Variants in TAF1B observed in about 807,000 individuals in gnomAD.
The protein encoded by TAF1B is TATA box-binding protein-associated factor RNA polymerase I subunit B.
TAF1B carries 61 observed loss-of-function variants against 83.9 expected under a neutral mutation model. That is an observed-to-expected ratio of 0.73 (90% CI 0.59 to 0.90). TAF1B has a LOEUF of 0.90. TAF1B is among the 40% of genes least tolerant of loss of function. The pLI, the probability that TAF1B is intolerant of heterozygous loss-of-function variation, is 0.00. For synonymous variants in TAF1B, 221 were observed against 224.6 expected (o/e 0.98, Z 0.14); for missense variants, 625 against 677.0 (o/e 0.92, Z 0.85).
intron 14 of TAF1B, among the ~76,000 whole-genome samples, chr2:9,924,123 T>A (rs1279401109): frequency 6.6e-6 from 1 of 152,200 alleles, no homozygotes; most frequent in Non-Finnish European, 1.5e-5. Flanking sequence ...GTATGAAGTT[T>A]CAGTGATACC....
At chr2:9,866,646 T>C (rs1350444649) in intron 5 of TAF1B, among the ~76,000 whole-genome samples, 4 of 152,206 alleles carry the variant, frequency 2.6e-5, no homozygotes, top group Non-Finnish European at 4.4e-5. Flanking sequence ...CGTATGGTTA[T>C]TGCGGCACTA....
intron 6 of TAF1B, among the ~76,000 whole-genome samples, chr2:9,871,284 G>A (rs929426649): frequency 2.0e-5 from 3 of 151,946 alleles, no homozygotes; most frequent in East Asian, 1.9e-4. Flanking sequence ...GGGTTTCATC[G>A]TGTTAGCCAG....
chr2:9,866,688 A>C (rs918003076), intron 5 of TAF1B, among the ~76,000 whole-genome samples: 3 of 152,172 alleles, frequency 2.0e-5, no homozygotes, highest in Admixed American at 6.5e-5. Context: ...AACCAACCCA[A>C]ATGTCCAACA....
chr2:9,898,706 C>T (rs1229799946), intron 8 of TAF1B, among the ~76,000 whole-genome samples: 2 of 152,100 alleles, frequency 1.3e-5, no homozygotes, highest in Admixed American at 6.5e-5. Context: ...CTTGGTGTTA[C>T]ATTTTTAATA....
intron 8 of TAF1B, among the ~76,000 whole-genome samples, chr2:9,903,409 G>A (rs1221989423): frequency 6.6e-6 from 1 of 152,052 alleles, no homozygotes; most frequent in Non-Finnish European, 1.5e-5. Flanking sequence ...TTTTTTATGT[G>A]AATAGATGAG....
chr2:9,874,847 A>C (rs915070817), intron 6 of TAF1B, among the ~76,000 whole-genome samples: 1 of 152,142 alleles, frequency 6.6e-6, no homozygotes, highest in African/African-American at 2.4e-5. Context: ...ATGGGAGTTG[A>C]GGTCAGAGTC....
At chr2:9,878,886 G>A (rs1395476174) in intron 7 of TAF1B, among the ~76,000 whole-genome samples, 10 of 152,170 alleles carry the variant, frequency 6.6e-5, no homozygotes, top group African/African-American at 2.2e-4. Context: ...ATCAGACAGG[G>A]AAAGGCTATT....
chr2:9,910,817 C>G lies in TAF1B; in HGVS notation c.1037C>G (p.Ala346Gly). Reference sequence around the variant, plus strand: ...GATTTTCTGACATTTGATCCTATAGCTAAAATGGCAAAAACTGTTAAGTAC... The same window carrying G: ...GATTTTCTGACATTTGATCCTATAGGTAAAATGGCAAAAACTGTTAAGTAC... ...EVDFLTFDPI[A>G]KMAKTVKYDV... The change falls in exon 10 of 15, where the codon GCT becomes GGT. Residue 346 changes from alanine to glycine, a missense_variant. By Grantham distance (60) the Ala-to-Gly change is moderately conservative. Transcript: ENST00000263663. The G allele has an allele frequency of 6.2e-7, 1 of 1,613,552 alleles. No individual in the cohort carries two copies. The highest frequency in any genetic ancestry group is 8.5e-7 in the Non-Finnish European group (1 of 1,179,668).
chr2:9,849,313 A>G (rs16867195), intron 2 of TAF1B, 60 bp from the exon 3 acceptor site: 376,515 of 1,297,138 alleles, frequency 0.29, 56,937 homozygotes, highest in East Asian at 0.33. Flanking sequence ...AAATACCTGG[A>G]AAAATGCTTA....
chr2:9,931,086 A>G (rs1469513522), intron 14 of TAF1B, among the ~76,000 whole-genome samples: 8 of 152,104 alleles, frequency 5.3e-5, no homozygotes, highest in Admixed American at 5.2e-4. Context: ...GGGTCTCCTG[A>G]ATACAGCACA....
In TAF1B at chr2:9,933,915, G is replaced by A; in HGVS notation, c.1698G>A (p.Lys566=). The change falls in exon 15 of 15, where the codon AAG becomes AAA. Residue 566 remains lysine (K), a synonymous_variant. Transcript: ENST00000263663. ...LLHEEVSLVE[K]KLFEKKYSVK... ...ATGAAGAAGTGAGCTTAGTTGAGAA[G>A]AAACTTTTTGAGAAAAAATACAGTG... is the stretch of plus-strand genomic sequence containing the variant. The A allele has an allele frequency of 6.2e-7, 1 of 1,613,434 alleles. No individual in the cohort carries two copies.
intron 8 of TAF1B, among the ~76,000 whole-genome samples, chr2:9,895,683 G>A (rs1437197091): frequency 6.6e-6 from 1 of 151,840 alleles, no homozygotes; most frequent in Non-Finnish European, 1.5e-5. Flanking sequence ...TTTATTCCTT[G>A]TTAATTCTCC....
intron 3 of TAF1B, among the ~76,000 whole-genome samples, chr2:9,851,290 G>A (rs1049179622): frequency 5.3e-5 from 8 of 151,934 alleles, no homozygotes; most frequent in African/African-American, 1.4e-4. Flanking sequence ...ATTTGAAATC[G>A]GAAATTATAC....
At chr2:9,890,305 G>A (rs1025915518) in intron 8 of TAF1B, among the ~76,000 whole-genome samples, 3 of 152,132 alleles carry the variant, frequency 2.0e-5, no homozygotes, top group Admixed American at 6.5e-5. Context: ...TGTTGGATAC[G>A]GTGGAAGCTC....
intron 8 of TAF1B, 138 bp from the exon 9 acceptor site, chr2:9,904,721 G>T: frequency 1.2e-6 from 1 of 805,076 alleles, no homozygotes; most frequent in Non-Finnish European, 1.9e-6. Flanking sequence ...GTGCATAAGT[G>T]TTCCTTTTTC....
intron 6 of TAF1B, among the ~76,000 whole-genome samples, chr2:9,871,789 G>A (rs945413212): frequency 3.9e-5 from 6 of 152,070 alleles, no homozygotes; most frequent in African/African-American, 7.2e-5. Flanking sequence ...TCTGTTTGGC[G>A]GGTTTGTAAT....
chr2:9,905,867 T>C (rs4669488), intron 9 of TAF1B, among the ~76,000 whole-genome samples: 27,385 of 150,748 alleles, frequency 0.18, 3,118 homozygotes, highest in East Asian at 0.31. Context: ...TTTAAAAATA[T>C]TTTTTAAAAC....
At chr2:9,931,424 T>C (rs1267694945) in intron 14 of TAF1B, among the ~76,000 whole-genome samples, 1 of 152,162 alleles carries the variant, frequency 6.6e-6, no homozygotes, top group African/African-American at 2.4e-5. Flanking sequence ...CCTCCACTTA[T>C]GAAGCTTAGT....
chr2:9,843,709 C>T (rs1239678648), intron 1 of TAF1B, 150 bp downstream of exon 1: 3 of 886,592 alleles, frequency 3.4e-6, no homozygotes, highest in African/African-American at 3.5e-5. Flanking sequence ...GGGCTAAGGA[C>T]TGGGGCTGGC....
Sources: gnomAD v4.1 joint callset for allele counts (sites outside exome capture counted in the v4.1 genomes callset) on GRCh38, gnomAD v4.1.1 for gene constraint, MANE v1.5 for transcripts, NCBI Gene and HGNC (gene_info 2026-07-23, HGNC 2026-07-21) for gene names.